The following MRTO4 variants were observed in gnomAD, a reference collection of about 807,000 sequenced individuals.
MRTO4 encodes the protein MRT4 homolog, ribosome maturation factor, also known as mRNA turnover protein 4 homolog.
In MRTO4, 7 loss-of-function variants were observed where a neutral mutation model predicts 28.6. The observed-to-expected ratio is 0.24, with a 90% CI of 0.14 to 0.46. The LOEUF is 0.46. Among genes scored for constraint, MRTO4 ranks in the 20% least tolerant of loss-of-function variants. MRTO4 has a pLI of 0.99. For missense variants in MRTO4, 302 were observed against 298.3 expected, an observed-to-expected ratio of 1.01 and a Z score of -0.09; for synonymous variants, 113 against 108.2, an observed-to-expected ratio of 1.04 and a Z score of -0.27.
intron 1 of MRTO4, 28 bp downstream of exon 1, chr1:19,251,891 G>C (rs17522898): frequency 0.038 from 59,975 of 1,586,046 alleles, 1,281 homozygotes; most frequent in South Asian, 0.055. Context: ...CGGGACCCTG[G>C]GGGGAGCTCC....
intron 1 of MRTO4, among the ~76,000 whole-genome samples, chr1:19,253,010 G>A (rs2093665304): frequency 2.6e-5 from 4 of 152,118 alleles, no homozygotes; most frequent in Admixed American, 2.6e-4. Flanking sequence ...CGGCTCCCTG[G>A]AATATTCAAA....
intron 1 of MRTO4, 61 bp from the exon 2 acceptor site, chr1:19,254,721 A>C: frequency 7.3e-7 from 1 of 1,369,632 alleles, no homozygotes; most frequent in Non-Finnish European, 1.0e-6. Context: ...GGAGAAGAAA[A>C]TAAGTCTCCA....
chr1:19,254,502 G>GT (rs1221687117), intron 1 of MRTO4, among the ~76,000 whole-genome samples: 2 of 152,198 alleles, frequency 1.3e-5, no homozygotes, highest in Non-Finnish European at 2.9e-5. Flanking sequence ...CTGCAATCAA[G>GT]TTTTTTGGGT....
intron 3 of MRTO4, among the ~76,000 whole-genome samples, chr1:19,256,645 C>G (rs940561238): frequency 6.6e-6 from 1 of 152,172 alleles, no homozygotes; most frequent in Admixed American, 6.5e-5. Flanking sequence ...GAGCATCACA[C>G]CAGTTTTAGA....
Position 19,260,067 on chromosome 1 carries a change from A to G in MRTO4, c.*1237A>G, listed in dbSNP as rs561442460. 3 of 152,350 alleles carry G rather than the reference A, an allele frequency of 2.0e-5. No homozygotes were observed. The highest frequency in any genetic ancestry group is 4.8e-5 in the African/African-American group (2 of 41,568). The allele number at this position is 152,350 out of a possible 1,614,324, so 9.4% of individuals were successfully genotyped here. A position where few individuals can be genotyped will look rare whatever the true frequency, so the allele number is the denominator to read the frequency against. ...GTGTGAGCCACCGCATCCAGCCCAC[A>G]TTGTTCTATTTGTATTTCATGAAAG... On this transcript the variant is annotated 3_prime_UTR_variant, in exon 8 of 8. Coordinates refer to ENST00000330263, the MANE Select transcript of MRTO4 (RefSeq NM_016183.4).
chr1:19,253,951 G>T (rs1401022986), intron 1 of MRTO4, among the ~76,000 whole-genome samples: 1 of 152,218 alleles, frequency 6.6e-6, no homozygotes, highest in Non-Finnish European at 1.5e-5. Flanking sequence ...TTCCTCCCCA[G>T]AGAGGTGTTG....
At chr1:19,252,036 G>C (rs2093661890) in intron 1 of MRTO4, 173 bp downstream of exon 1, 2 of 958,166 alleles carry the variant, frequency 2.1e-6, no homozygotes, top group Admixed American at 2.9e-5. Flanking sequence ...AAAACCGCCA[G>C]AGGTGGCTGA....
Position 19,256,057 on chromosome 1 carries a change from C to T in MRTO4, c.191+6C>T, listed in dbSNP as rs749152205. The T allele has an allele frequency of 2.5e-5, 41 of 1,613,364 alleles. No individual in the cohort carries two copies. The highest frequency in any genetic ancestry group is 1.1e-4 in the East Asian group (5 of 44,888). On this transcript the variant is annotated splice_donor_region_variant and intron_variant, in intron 3 of 7. Transcript: ENST00000330263. ...AACGCCTGGAAGCACAGCCGGTGAG[C>T]GGGCAGGGGGAGGAAGGCCCTTCTG...
intron 2 of MRTO4, among the ~76,000 whole-genome samples, chr1:19,255,314 C>A (rs115721712): frequency 0.028 from 4,250 of 150,174 alleles, 74 homozygotes; most frequent in South Asian, 0.054. Flanking sequence ...GGCAACATGA[C>A]AAAACCTCAT....
intron 5 of MRTO4, 121 bp from the exon 6 acceptor site, chr1:19,257,712 C>G (rs1382079375): frequency 3.5e-6 from 5 of 1,434,326 alleles, no homozygotes; most frequent in African/African-American, 1.4e-5. Context: ...TGGCTGCTGG[C>G]CAGCAGCCAA....
intron 4 of MRTO4, 69 bp downstream of exon 4, chr1:19,257,214 C>A: frequency 6.7e-7 from 1 of 1,495,438 alleles, no homozygotes; most frequent in South Asian, 1.2e-5. Context: ...TCCCATGTGA[C>A]AGCCTCCCCC....
rs1379327066 is a variant in MRTO4 at position 19,254,834 on chromosome 1, A to G, written c.81A>G (p.Ile27Met). Residue 27 changes from isoleucine (I) to methionine (M), a missense_variant, in exon 2 of 8, where the codon ATA becomes ATG. Ile to Met is a conservative substitution (Grantham distance 10). Transcript: ENST00000330263. ...GCTTGGAATTGAAACAAAACCTGATAGAAGAGGTAAGAGGTTGTTCTTTTC... is the reference window on the plus strand; with the variant it reads ...GCTTGGAATTGAAACAAAACCTGATGGAAGAGGTAAGAGGTTGTTCTTTTC... ...KKGLELKQNLIEELRKCVDTY... is the reference protein window; with the variant it reads ...KKGLELKQNLMEELRKCVDTY... 1 of 1,608,932 alleles carries G rather than the reference A, an allele frequency of 6.2e-7. No homozygotes were observed. Among genetic ancestry groups the G allele is most frequent in the African/African-American group, 1.3e-5 (1 of 74,464 alleles).
chr1:19,253,938 A>G (rs1298831493), intron 1 of MRTO4, among the ~76,000 whole-genome samples: 1 of 152,174 alleles, frequency 6.6e-6, no homozygotes, highest in Non-Finnish European at 1.5e-5. Flanking sequence ...GTAGAGGTAC[A>G]TGTTCCTCCC....
chr1:19,258,729 A>G lies in MRTO4; in HGVS notation c.619A>G (p.Met207Val), dbSNP rs768920517. The G allele has an allele frequency of 9.3e-6, 15 of 1,614,238 alleles. No individual in the cohort carries two copies. In the South Asian group the frequency reaches 1.2e-4, roughly 13 times the overall value. ...MAEFKVTIKYMWDSQSGRFQQ... is the reference protein window; with the variant it reads ...MAEFKVTIKYVWDSQSGRFQQ... The stretch of plus-strand genomic sequence containing the variant: ...TGAATTCAAGGTGACCATCAAATAC[A>G]TGTGGGATTCACAGTCGGGAAGGTT... Residue 207 changes from methionine to valine, a missense_variant, in exon 8 of 8, where the codon ATG becomes GTG. Transcript: ENST00000330263.
chr1:19,254,736 A>G (rs781626182), intron 1 of MRTO4, 46 bp from the exon 2 acceptor site: 1 of 1,473,282 alleles, frequency 6.8e-7, no homozygotes, highest in Non-Finnish European at 9.5e-7. Context: ...TCTCCAGTGC[A>G]TTTAGATTGG....
In MRTO4 at chr1:19,258,346, C is replaced by T. The variant is rs774543921; in HGVS notation, c.494-131C>T. ...AATCAAAGGGACCTCAGGGAGACAGCCACTGCCCAGTGTGTGTTGGAGCCG... is the reference window on the plus strand; with the variant it reads ...AATCAAAGGGACCTCAGGGAGACAGTCACTGCCCAGTGTGTGTTGGAGCCG... On this transcript the variant is annotated intron_variant, in intron 6 of 7. Transcript: ENST00000330263. 3.8e-4 allele frequency: 422 copies of T among 1,110,676 alleles called. 2 individuals are homozygous for T. The highest frequency in any genetic ancestry group is 1.6e-3 in the South Asian group (123 of 77,318). The allele number at this position is 1,110,676 out of a possible 1,614,324, so 68.8% of individuals were successfully genotyped here.
Position 19,257,468 on chromosome 1 carries a change from G to C in MRTO4, c.288G>C (p.Leu96Phe), listed in dbSNP as rs753335630. 1 of 1,614,244 alleles carries C rather than the reference G, an allele frequency of 6.2e-7. No homozygotes were observed. Among genetic ancestry groups the C allele is most frequent in the South Asian group, 1.1e-5 (1 of 91,088 alleles). The change falls in exon 5 of 8, where the codon TTG becomes TTC. Residue 96 changes from leucine (L) to phenylalanine (F), a missense_variant. Transcript: ENST00000330263. ...CTGATTTGTAGGTCAGCAAAAGGTTGAGGGGTGAGGTGGGTCTCCTGTTCA... is the reference window on the plus strand; with the variant it reads ...CTGATTTGTAGGTCAGCAAAAGGTTCAGGGGTGAGGTGGGTCTCCTGTTCA... ...KDNLHQVSKR[L>F]RGEVGLLFTN...
chr1:19,252,819 T>G (rs112521272), intron 1 of MRTO4, among the ~76,000 whole-genome samples: 2 of 78,794 alleles, frequency 2.5e-5, no homozygotes, highest in South Asian at 6.0e-4. Context: ...CCCAGCTAGG[T>G]TTTTTTTGTT....
Position 19,258,858 on chromosome 1 carries a change from G to T in MRTO4, c.*28G>T. Reference sequence around the variant, plus strand: ...GGGACTCGGGACTGAAGGTCTCCTGGAAGCTTCTGGGTCTCACTGGACCAT... The same window carrying T: ...GGGACTCGGGACTGAAGGTCTCCTGTAAGCTTCTGGGTCTCACTGGACCAT... On this transcript the variant is annotated 3_prime_UTR_variant, in exon 8 of 8. Coordinates refer to ENST00000330263, the MANE Select transcript of MRTO4 (RefSeq NM_016183.4). 6.2e-7 allele frequency: 1 copy of T among 1,608,272 alleles called. No homozygotes were observed.
Sources: allele counts gnomAD v4.1 joint callset (sites outside exome capture counted in the v4.1 genomes callset), GRCh38; gene constraint gnomAD v4.1.1; transcripts MANE v1.5; gene names NCBI Gene and HGNC (gene_info 2026-07-23, HGNC 2026-07-21).